Variants in ZBTB20 observed in about 807,000 individuals in gnomAD.
The protein encoded by ZBTB20 is zinc finger and BTB domain-containing protein 20.
In ZBTB20, 9 loss-of-function variants were observed where a neutral mutation model predicts 56.9. That is an observed-to-expected ratio of 0.16 (90% confidence interval 0.10 to 0.28). The LOEUF (loss-of-function observed/expected upper bound fraction) is 0.28, where lower values mean the gene tolerates loss of function less well. Ranked by LOEUF, ZBTB20 falls within the 10% of genes least tolerant of loss-of-function variation. ZBTB20 has a pLI of 1.00. For missense variants in ZBTB20, 655 were observed against 1,003.0 expected (o/e 0.65, Z 4.69); for synonymous variants, 417 against 420.7 (o/e 0.99, Z 0.11).
chr3:114,733,119 A>G (rs2065878404), intron 5 of ZBTB20, among the ~76,000 whole-genome samples: 1 of 152,208 alleles, frequency 6.6e-6, no homozygotes, highest in Non-Finnish European at 1.5e-5. Flanking sequence ...GTTTAATGTA[A>G]ACACATATAT....
Position 115,127,561 on chromosome 3 carries a change from C to A in ZBTB20, c.-703+19658G>T, listed in dbSNP as rs961283352. 7.9e-5 allele frequency among the ~76,000 whole-genome samples: 12 copies of A among 152,078 alleles called. 1 individual carries two copies. The South Asian group carries it at 1.2e-3, about 16-fold the overall frequency. On this transcript the variant is annotated intron_variant, in intron 1 of 11. Transcript: ENST00000675478. The stretch of plus-strand genomic sequence containing the variant: ...GTAAGCTGAGATCATGCCATGCACT[C>A]CAGCCTGGGCAATAAATCAAAACTC...
chr3:114,651,027 A>C (rs2060100826), intron 6 of ZBTB20, among the ~76,000 whole-genome samples: 1 of 152,108 alleles, frequency 6.6e-6, no homozygotes, highest in South Asian at 2.1e-4. Flanking sequence ...GGTTTAAAAA[A>C]TACTTCAAAA....
intron 2 of ZBTB20, among the ~76,000 whole-genome samples, chr3:114,984,231 T>C (rs1018834723): frequency 1.3e-5 from 2 of 152,076 alleles, no homozygotes; most frequent in African/African-American, 4.8e-5. Context: ...TCCTAATCTT[T>C]TTCTTGTTAA....
chr3:114,952,414 C>T (rs978835315), intron 3 of ZBTB20, among the ~76,000 whole-genome samples: 3 of 151,894 alleles, frequency 2.0e-5, no homozygotes, highest in African/African-American at 7.3e-5. Context: ...GAACTGTGAG[C>T]CAAATAAATA....
chr3:115,036,893 T>C (rs1317607873), intron 2 of ZBTB20, among the ~76,000 whole-genome samples: 1 of 152,164 alleles, frequency 6.6e-6, no homozygotes, highest in Non-Finnish European at 1.5e-5. Flanking sequence ...GTCCACGAAG[T>C]AAACCAAGAA....
At chr3:115,107,625 C>T (rs1292311100) in intron 1 of ZBTB20, among the ~76,000 whole-genome samples, 1 of 152,096 alleles carries the variant, frequency 6.6e-6, no homozygotes, top group African/African-American at 2.4e-5. Context: ...CCATCTGACC[C>T]CACAATCCCA....
rs1043892744 is a variant in ZBTB20, at chr3:114,329,335, G to C, written c.*9670C>G. On this transcript the variant is annotated 3_prime_UTR_variant, in exon 12 of 12. Coordinates refer to ENST00000675478, the MANE Select transcript of ZBTB20 (RefSeq NM_001348800.3). The stretch of plus-strand genomic sequence containing the variant: ...CTGACTTCATTTTGTCCTGAATGTA[G>C]AAGTGAAGAAGGACACTAGTTTCAG... 6.6e-6 allele frequency: 1 copy of C among 152,206 alleles called. No individual in the cohort carries two copies. The highest frequency in any genetic ancestry group is 6.5e-5 in the Admixed American group (1 of 15,274). 9.4% of individuals were successfully genotyped at this position (152,206 alleles called of 1,614,324 possible).
intron 1 of ZBTB20, among the ~76,000 whole-genome samples, chr3:115,083,163 T>A (rs1454645334): frequency 6.6e-6 from 1 of 152,060 alleles, no homozygotes; most frequent in African/African-American, 2.4e-5. Flanking sequence ...AGCATACAAC[T>A]ATTTTATCAT....
intron 6 of ZBTB20, among the ~76,000 whole-genome samples, chr3:114,670,109 G>T (rs995322182): frequency 2.0e-5 from 3 of 151,974 alleles, no homozygotes; most frequent in Admixed American, 2.0e-4. Context: ...AATGAAAGAG[G>T]ATGCCTGAAG....
intron 5 of ZBTB20, among the ~76,000 whole-genome samples, chr3:114,756,530 T>C (rs1354517517): frequency 2.0e-5 from 3 of 152,194 alleles, no homozygotes; most frequent in African/African-American, 7.2e-5. Context: ...TAAACAAATA[T>C]AGAAGTATAC....
At chr3:114,386,760 G>T (rs2085181609) in intron 8 of ZBTB20, among the ~76,000 whole-genome samples, 1 of 152,080 alleles carries the variant, frequency 6.6e-6, no homozygotes, top group Non-Finnish European at 1.5e-5. Flanking sequence ...TGGTTCTGGG[G>T]TTTTTTTGGG....
At chr3:114,544,492 T>TCA (rs1238411437) in intron 6 of ZBTB20, among the ~76,000 whole-genome samples, 1 of 111,002 alleles carries the variant, frequency 9.0e-6, no homozygotes, top group Admixed American at 1.2e-4. Context: ...TCTTTCACTT[T>TCA]CTTTCTTTTC....
At chr3:115,086,218 T>C (rs1478971780) in intron 1 of ZBTB20, among the ~76,000 whole-genome samples, 1 of 151,866 alleles carries the variant, frequency 6.6e-6, no homozygotes, top group Non-Finnish European at 1.5e-5. Flanking sequence ...TAGGTCACTG[T>C]CATTTTGTTG....
chr3:114,563,164 TACA>T, intron 6 of ZBTB20, among the ~76,000 whole-genome samples: 1 of 152,302 alleles, frequency 6.6e-6, no homozygotes. Flanking sequence ...CTATTTTCAA[TACA>T]AAGATGCTGG....
chr3:115,098,429 A>G (rs1455574858), intron 1 of ZBTB20, among the ~76,000 whole-genome samples: 2 of 152,210 alleles, frequency 1.3e-5, no homozygotes, highest in African/African-American at 4.8e-5. Context: ...GGCATAAAGT[A>G]TATATAAAAT....
At chr3:114,391,215 C>T (rs1334802680) in intron 7 of ZBTB20, among the ~76,000 whole-genome samples, 1 of 152,282 alleles carries the variant, frequency 6.6e-6, no homozygotes, top group East Asian at 1.9e-4. Context: ...TTCTAAAGTG[C>T]CCTTCTAAAC....
At chr3:114,382,525 CTGCCCTGTTGA>C (rs1437754117) in intron 8 of ZBTB20, among the ~76,000 whole-genome samples, 8 of 152,194 alleles carry the variant, frequency 5.3e-5, no homozygotes, top group African/African-American at 1.9e-4. Flanking sequence ...TATTTCATCT[CTGCCCTGTTGA>C]AATCATACTT....
intron 7 of ZBTB20, among the ~76,000 whole-genome samples, chr3:114,405,758 G>A (rs554086357): frequency 2.6e-5 from 4 of 152,054 alleles, no homozygotes; most frequent in African/African-American, 7.2e-5. Context: ...TAAAGAGAGT[G>A]TAGTTTGATA....
intron 4 of ZBTB20, among the ~76,000 whole-genome samples, chr3:114,802,124 A>T (rs1282654070): frequency 6.6e-6 from 1 of 151,852 alleles, no homozygotes; most frequent in African/African-American, 2.4e-5. Context: ...GATTTAGAAA[A>T]ATTTAGTTTT....
Sources: allele counts gnomAD v4.1 joint callset (sites outside exome capture counted in the v4.1 genomes callset), GRCh38; gene constraint gnomAD v4.1.1; transcripts MANE v1.5; gene names NCBI Gene and HGNC (gene_info 2026-07-23, HGNC 2026-07-21).